The following SEMA3D variants were observed in gnomAD, a reference collection of about 807,000 sequenced individuals.
SEMA3D encodes the protein semaphorin-3D.
In SEMA3D, 84 loss-of-function variants were observed where a neutral mutation model predicts 100.1. The observed-to-expected ratio is 0.84, with a 90% CI of 0.70 to 1.01. The LOEUF (loss-of-function observed/expected upper bound fraction) is 1.01, where lower values mean the gene tolerates loss of function less well. Ranked by LOEUF, SEMA3D falls within the 50% of genes least tolerant of loss-of-function variation. The pLI is 0.00. For missense variants in SEMA3D, 875 were observed against 934.1 expected (o/e 0.94, Z 0.82); for synonymous variants, 312 against 320.7 (o/e 0.97, Z 0.29).
At chr7:85,104,491 T>C (rs1384728323) in intron 3 of SEMA3D, among the ~76,000 whole-genome samples, 2 of 152,076 alleles carry the variant, frequency 1.3e-5, no homozygotes, top group East Asian at 1.9e-4. Context: ...AGTTTTGTTC[T>C]AAAAATAATT....
chr7:85,068,863 C>T (rs373863776), intron 6 of SEMA3D, among the ~76,000 whole-genome samples: 109 of 152,144 alleles, frequency 7.2e-4, no homozygotes, highest in African/African-American at 2.3e-3. Context: ...TTCACTATGA[C>T]GAAAACACTG....
In SEMA3D at chr7:85,164,930, C is replaced by T. The variant is rs570237162; in HGVS notation, c.-172-11191G>A. Reference sequence around the variant, plus strand: ...CTGTAATTTAGGCAGAATGAAAGTGCTATACAAGAAATATAGAAGATGTCA... The same window carrying T: ...CTGTAATTTAGGCAGAATGAAAGTGTTATACAAGAAATATAGAAGATGTCA... On this transcript the variant is annotated intron_variant, in intron 1 of 18. Coordinates refer to ENST00000284136, the MANE Select transcript of SEMA3D (RefSeq NM_001384900.1). 1.7e-4 allele frequency among the ~76,000 whole-genome samples: 26 copies of T among 152,108 alleles called. 1 individual carries two copies. Among genetic ancestry groups the T allele is most frequent in the Middle Eastern group, 3.4e-3 (1 of 294 alleles).
At chr7:85,160,042 T>C in intron 1 of SEMA3D, 1 of 943,398 alleles carries the variant, frequency 1.1e-6, no homozygotes, top group Non-Finnish European at 1.3e-6. Context: ...ACTGAACTGT[T>C]ATTTTATTGA....
intron 2 of SEMA3D, among the ~76,000 whole-genome samples, chr7:85,124,893 C>T (rs544612341): frequency 1.3e-5 from 2 of 152,186 alleles, no homozygotes; most frequent in Admixed American, 6.6e-5. Context: ...CTTCGTACTG[C>T]CTTTTGGTAT....
the SEMA3D span, among the ~76,000 whole-genome samples, chr7:85,237,785 T>A: frequency 2.0e-5 from 3 of 152,178 alleles, no homozygotes; most frequent in African/African-American, 7.2e-5. Flanking sequence ...AGTTTTCAGT[T>A]CATTTGGGTA....
chr7:85,106,909 T>C (rs1400612403), intron 3 of SEMA3D, among the ~76,000 whole-genome samples: 1 of 151,928 alleles, frequency 6.6e-6, no homozygotes, highest in South Asian at 2.1e-4. Context: ...CATGATTCAA[T>C]TACCTCCCAC....
intron 1 of SEMA3D, among the ~76,000 whole-genome samples, chr7:85,161,079 G>A (rs1790734161): frequency 1.3e-5 from 2 of 152,064 alleles, no homozygotes; most frequent in Admixed American, 1.3e-4. Context: ...CATGATTCTG[G>A]AAGACAACAC....
chr7:85,057,844 T>C (rs945998068), intron 8 of SEMA3D, among the ~76,000 whole-genome samples: 1 of 151,968 alleles, frequency 6.6e-6, no homozygotes, highest in African/African-American at 2.4e-5. Context: ...GGCACGAGAA[T>C]CCCTTGAACC....
chr7:85,098,612 T>G (rs1169727843), intron 3 of SEMA3D, among the ~76,000 whole-genome samples: 1 of 151,790 alleles, frequency 6.6e-6, no homozygotes, highest in Non-Finnish European at 1.5e-5. Flanking sequence ...ATTCATAGCT[T>G]CTCCCATCAT....
At chr7:85,222,599 A>G in the SEMA3D span, among the ~76,000 whole-genome samples, 1 of 152,112 alleles carries the variant, frequency 6.6e-6, no homozygotes, top group South Asian at 2.1e-4. Flanking sequence ...ACTTAAGAAA[A>G]TATTAACCTC....
intron 4 of SEMA3D, among the ~76,000 whole-genome samples, chr7:85,084,948 A>G (rs1172179872): frequency 6.6e-6 from 1 of 152,136 alleles, no homozygotes; most frequent in Admixed American, 6.5e-5. Context: ...AACTCCATTC[A>G]TGTTTCTGCA....
At position 85,012,792 on chromosome 7, in the gene SEMA3D, G is replaced by A. The variant is rs1032514707; in HGVS notation, c.1758C>T (p.Asp586=). The A allele has an allele frequency of 3.7e-6, 6 of 1,609,616 alleles. No homozygotes were observed. The African/African-American group carries it at 5.4e-5, about 14-fold the overall frequency. The change falls in exon 17 of 19, where the codon GAC becomes GAT. Residue 586 remains aspartate (D), a synonymous_variant. Transcript: ENST00000284136. The part of the protein sequence containing the change: ...KYGDPITQCW[D]IEDSISHETA... ...CAGAGCTGTACTTACTGTCTTCGAT[G>A]TCCCAGCACTGGGTGATTGGGTCGC...
rs537289446 is a variant in SEMA3D at position 85,147,671 on chromosome 7, C to A, written c.-41+5937G>T. Among the ~76,000 whole-genome samples the A allele has an allele frequency of 3.3e-5, 5 of 152,040 alleles. No homozygotes were observed. The South Asian group carries it at 1.0e-3, about 32-fold the overall frequency. ...TCTTAAGAATCAATTTTTTCAAGTA[C>A]CTTATTATTTAAATATTATTTATTT... On this transcript the variant is annotated intron_variant, in intron 2 of 18. Transcript: ENST00000284136.
intron 2 of SEMA3D, among the ~76,000 whole-genome samples, chr7:85,136,867 T>C (rs1789880350): frequency 6.6e-6 from 1 of 152,098 alleles, no homozygotes; most frequent in Non-Finnish European, 1.5e-5. Context: ...GAAAGTGCTC[T>C]GAGTTAAGGG....
intron 1 of SEMA3D, among the ~76,000 whole-genome samples, chr7:85,182,640 TAAA>T (rs1296232235): frequency 1.3e-5 from 2 of 152,194 alleles, no homozygotes; most frequent in East Asian, 1.9e-4. Flanking sequence ...GTATAAAAAT[TAAA>T]AAGGATTTTG....
At chr7:85,177,090 T>C (rs1311532982) in intron 1 of SEMA3D, among the ~76,000 whole-genome samples, 3 of 152,130 alleles carry the variant, frequency 2.0e-5, no homozygotes, top group African/African-American at 7.2e-5. Context: ...GTTTGCACAA[T>C]GACAAAATTG....
chr7:85,163,083 G>T (rs879620210), intron 1 of SEMA3D: 1 of 626,308 alleles, frequency 1.6e-6, no homozygotes, highest in Non-Finnish European at 2.0e-6. Flanking sequence ...AGTAAGATTA[G>T]AAAGTAAAAC....
intron 2 of SEMA3D, 32 bp downstream of exon 2, chr7:85,153,576 T>TCTAA (rs1274902344): frequency 6.6e-6 from 1 of 151,754 alleles, no homozygotes; most frequent in African/African-American, 2.4e-5. Flanking sequence ...TATCTATCTA[T>TCTAA]CTATTGAGGT....
chr7:85,089,817 A>G (rs1788331580), intron 4 of SEMA3D, among the ~76,000 whole-genome samples: 1 of 152,080 alleles, frequency 6.6e-6, no homozygotes, highest in Admixed American at 6.6e-5. Flanking sequence ...TTTGAGCCCA[A>G]GAAGTTAAGG....
Sources: gnomAD v4.1 joint callset for allele counts (sites outside exome capture counted in the v4.1 genomes callset) on GRCh38, gnomAD v4.1.1 for gene constraint, MANE v1.5 for transcripts, NCBI Gene and HGNC (gene_info 2026-07-23, HGNC 2026-07-21) for gene names.